PKIA: variants seen among roughly 807,000 people sequenced by gnomAD.
The protein encoded by PKIA is cAMP-dependent protein kinase inhibitor alpha.
A neutral mutation model predicts 7.6 loss-of-function variants in PKIA; 4 were observed. That is an observed-to-expected ratio of 0.52 (90% CI 0.26 to 1.20). The LOEUF is 1.20. Among genes scored for constraint, PKIA ranks in the 50% most tolerant of loss-of-function variants. The pLI, the probability that PKIA is intolerant of heterozygous loss-of-function variation, is 0.13. For missense variants in PKIA, 73 were observed against 86.2 expected, an observed-to-expected ratio of 0.85 and a Z score of 0.61; for synonymous variants, 21 against 30.7, an observed-to-expected ratio of 0.68 and a Z score of 1.04.
chr8:78,579,698 G>A (rs1233332620), intron 2 of PKIA, among the ~76,000 whole-genome samples: 1 of 152,064 alleles, frequency 6.6e-6, no homozygotes, highest in Non-Finnish European at 1.5e-5. Flanking sequence ...GAGCAAAGGT[G>A]TGTATTTTAA....
chr8:78,525,944 T>C (rs1425807530), intron 1 of PKIA, among the ~76,000 whole-genome samples: 2 of 152,052 alleles, frequency 1.3e-5, no homozygotes, highest in African/African-American at 4.8e-5. Flanking sequence ...AGTTGTTTCC[T>C]GATATTTAAA....
At chr8:78,561,365 T>C (rs2118516472) in intron 1 of PKIA, among the ~76,000 whole-genome samples, 1 of 152,230 alleles carries the variant, frequency 6.6e-6, no homozygotes, top group East Asian at 1.9e-4. Context: ...ATTTAATCAA[T>C]TATAAGACAA....
intron 1 of PKIA, among the ~76,000 whole-genome samples, chr8:78,552,374 A>G (rs912155759): frequency 2.6e-5 from 4 of 151,180 alleles, no homozygotes; most frequent in Non-Finnish European, 4.4e-5. Flanking sequence ...AGGAAGGAAG[A>G]CTTAGTGCTT....
intron 1 of PKIA, among the ~76,000 whole-genome samples, chr8:78,525,245 T>TAG (rs1205264344): frequency 6.6e-6 from 1 of 151,758 alleles, no homozygotes; most frequent in Non-Finnish European, 1.5e-5. Context: ...GAATGCAAGA[T>TAG]AGAGATTATA....
intron 1 of PKIA, among the ~76,000 whole-genome samples, chr8:78,567,594 G>A (rs947743464): frequency 2.0e-5 from 3 of 149,854 alleles, no homozygotes; most frequent in African/African-American, 7.5e-5. Flanking sequence ...GTCATCATCA[G>A]GTTTCTTCAC....
At chr8:78,600,787 G>A (rs146932410) in intron 3 of PKIA, among the ~76,000 whole-genome samples, 2 of 152,068 alleles carry the variant, frequency 1.3e-5, no homozygotes, top group African/African-American at 4.8e-5. Flanking sequence ...TTGGAGTATG[G>A]TGAGGTGCTT....
chr8:78,540,560 C>T lies in PKIA; in HGVS notation c.-157+24092C>T, dbSNP rs187251606. 2.6e-5 allele frequency among the ~76,000 whole-genome samples: 4 copies of T among 152,128 alleles called. No individual in the cohort carries two copies. The East Asian group carries it at 7.7e-4, about 29-fold the overall frequency. The stretch of plus-strand genomic sequence containing the variant: ...AAGGATTAAAATTATATTAAATTAA[C>T]AGCAAAGAATATAAAGCAGTCAGAA... On this transcript the variant is annotated intron_variant, in intron 1 of 3. Coordinates refer to ENST00000396418, the MANE Select transcript of PKIA (RefSeq NM_006823.4).
chr8:78,572,514 A>C (rs916553136), intron 1 of PKIA, among the ~76,000 whole-genome samples: 2 of 142,830 alleles, frequency 1.4e-5, no homozygotes, highest in Non-Finnish European at 3.0e-5. Flanking sequence ...TTCTTTCCCC[A>C]CCACCCCATC....
At chr8:78,588,817 A>T (rs1195953665) in intron 2 of PKIA, among the ~76,000 whole-genome samples, 1 of 152,030 alleles carries the variant, frequency 6.6e-6, no homozygotes, top group African/African-American at 2.4e-5. Flanking sequence ...AAATGAAAGA[A>T]AAAGCGATGA....
At chr8:78,550,281 G>A (rs1166553296) in intron 1 of PKIA, among the ~76,000 whole-genome samples, 1 of 152,072 alleles carries the variant, frequency 6.6e-6, no homozygotes, top group East Asian at 1.9e-4. Context: ...CCTATCCTTC[G>A]TGCAGTTTGG....
In PKIA at chr8:78,523,332, A is replaced by G. The variant is rs573342037; in HGVS notation, c.-157+6864A>G. 6.6e-5 allele frequency among the ~76,000 whole-genome samples: 10 copies of G among 152,002 alleles called. No individual in the cohort carries two copies. In the East Asian group the frequency reaches 1.4e-3, roughly 21 times the overall value. On this transcript the variant is annotated intron_variant, in intron 1 of 3. Transcript: ENST00000396418. ...AACATTTCTCCTATGGTTTACCTCTATCTTTATGGTTGTTTGATTAAACCC... is the reference window on the plus strand; with the variant it reads ...AACATTTCTCCTATGGTTTACCTCTGTCTTTATGGTTGTTTGATTAAACCC...
intron 1 of PKIA, among the ~76,000 whole-genome samples, chr8:78,542,516 T>G (rs2118420289): frequency 6.6e-6 from 1 of 152,298 alleles, no homozygotes; most frequent in African/African-American, 2.4e-5. Context: ...ACGTCAGAAA[T>G]GTAAAAGGCC....
rs561730978 is a variant in PKIA, at chr8:78,597,968, A to G, written c.-27-390A>G. ...TTAATGCAGGAACAGAAAACCAAACACTGCACGTTCTCACGTATAAGTGGT... is the reference window on the plus strand; with the variant it reads ...TTAATGCAGGAACAGAAAACCAAACGCTGCACGTTCTCACGTATAAGTGGT... On this transcript the variant is annotated intron_variant, in intron 2 of 3. Coordinates refer to ENST00000396418, the MANE Select transcript of PKIA (RefSeq NM_006823.4). Among the ~76,000 whole-genome samples the G allele has an allele frequency of 2.9e-4, 44 of 151,884 alleles. 1 individual carries two copies. The South Asian group carries it at 8.9e-3, about 31-fold the overall frequency.
intron 3 of PKIA, among the ~76,000 whole-genome samples, chr8:78,599,450 T>C (rs1340310824): frequency 2.6e-5 from 4 of 152,062 alleles, no homozygotes; most frequent in Non-Finnish European, 4.4e-5. Flanking sequence ...AGTCAGAGTA[T>C]ATGTATATAT....
At chr8:78,519,777 C>A in intron 1 of PKIA, among the ~76,000 whole-genome samples, 1 of 152,168 alleles carries the variant, frequency 6.6e-6, no homozygotes, top group East Asian at 1.9e-4. Context: ...CCATGCCCAA[C>A]CTAAACCAAG....
intron 2 of PKIA, among the ~76,000 whole-genome samples, chr8:78,595,386 G>C (rs1307595530): frequency 6.6e-6 from 1 of 152,124 alleles, no homozygotes; most frequent in Non-Finnish European, 1.5e-5. Context: ...AGAATTTCCA[G>C]ATTCAGAATT....
rs1218927164 is a variant in PKIA at position 78,604,225 on chromosome 8, A to T, written c.*2404A>T. The T allele has an allele frequency of 6.6e-6, 1 of 151,982 alleles. No homozygotes were observed. Among genetic ancestry groups the T allele is most frequent in the Non-Finnish European group, 1.5e-5 (1 of 67,930 alleles). 9.4% of individuals were successfully genotyped at this position (151,982 alleles called of 1,614,324 possible). A position where few individuals can be genotyped will look rare whatever the true frequency, so the allele number is the denominator to read the frequency against. On this transcript the variant is annotated 3_prime_UTR_variant, in exon 4 of 4. Transcript: ENST00000396418. ...CTATTAACCAACTATTCTTACGCTA[A>T]TGGCTTTGCAGCTCCTATTCTCCCA...
At chr8:78,577,001 A>G (rs975647683) in intron 2 of PKIA, among the ~76,000 whole-genome samples, 1 of 152,064 alleles carries the variant, frequency 6.6e-6, no homozygotes, top group East Asian at 1.9e-4. Flanking sequence ...GTATGTAGCC[A>G]TAAAAAAGAA....
chr8:78,532,213 G>T (rs902982440), intron 1 of PKIA, among the ~76,000 whole-genome samples: 2 of 151,676 alleles, frequency 1.3e-5, no homozygotes, highest in African/African-American at 4.8e-5. Context: ...AAATTATTAG[G>T]TATTTTTTCA....
Sources: allele counts gnomAD v4.1 joint callset (sites outside exome capture counted in the v4.1 genomes callset), GRCh38; gene constraint gnomAD v4.1.1; transcripts MANE v1.5; gene names NCBI Gene and HGNC (gene_info 2026-07-23, HGNC 2026-07-21).